The following LRIG2 variants were observed in gnomAD, a reference collection of about 807,000 sequenced individuals.
LRIG2 encodes leucine-rich repeats and immunoglobulin-like domains protein 2.
LRIG2 carries 93 observed loss-of-function variants against 107.8 expected under a neutral mutation model. The ratio of observed to expected loss-of-function variants is 0.86; its 90% CI spans 0.73 to 1.03. The LOEUF (loss-of-function observed/expected upper bound fraction) is 1.03. Ranked by LOEUF, LRIG2 falls within the 50% of genes least tolerant of loss-of-function variation. The pLI, the probability that LRIG2 is intolerant of heterozygous loss-of-function variation, is 0.00. For synonymous variants in LRIG2, 471 were observed against 470.6 expected (o/e 1.00, Z -0.01); for missense variants, 1,226 against 1,296.0 (o/e 0.95, Z 0.83).
At chr1:113,111,973 T>G (rs1036293366) in intron 13 of LRIG2, among the ~76,000 whole-genome samples, 9 of 152,192 alleles carry the variant, frequency 5.9e-5, no homozygotes, top group African/African-American at 2.2e-4. Flanking sequence ...AGAGTCATAG[T>G]AAATACCAGG....
intron 17 of LRIG2, 66 bp downstream of exon 17, chr1:113,119,589 T>A: frequency 1.4e-6 from 2 of 1,456,594 alleles, no homozygotes; most frequent in Non-Finnish European, 1.9e-6. Context: ...CCTTCTATCA[T>A]ATAGGTAGTG....
chr1:113,075,507 A>C (rs1444956553), intron 1 of LRIG2, among the ~76,000 whole-genome samples: 1 of 152,144 alleles, frequency 6.6e-6, no homozygotes, highest in Non-Finnish European at 1.5e-5. Flanking sequence ...TTATTGACCC[A>C]AATTTAAAAA....
At chr1:113,103,175 C>T (rs1570752888) in intron 11 of LRIG2, 1 of 152,272 alleles carries the variant, frequency 6.6e-6, no homozygotes, top group South Asian at 2.1e-4. Flanking sequence ...CTTTGCTTGA[C>T]CAACCCGTAG....
Position 113,100,451 on chromosome 1 carries a change from C to G in LRIG2, c.1276C>G (p.Gln426Glu). 5.2e-6 allele frequency: 8 copies of G among 1,538,276 alleles called. No individual in the cohort carries two copies. Among genetic ancestry groups the G allele is most frequent in the Non-Finnish European group, 7.2e-6 (8 of 1,116,072 alleles). ...DLNNNAIMSI[Q>E]ENAFSQTHLK... ...GAACAATAATGCTATAATGTCTATC[C>G]AAGAAAATGCTTTTTCTCAGACTCA... The change falls in exon 11 of 18, where the codon CAA becomes GAA. Residue 426 changes from glutamine (Q) to glutamate (E), a missense_variant. Gln to Glu is a conservative substitution (Grantham distance 29, BLOSUM62 2). Coordinates refer to ENST00000361127, the MANE Select transcript of LRIG2 (RefSeq NM_014813.3).
rs551559936 is a variant in LRIG2, at chr1:113,128,585, G to A, written c.*4484G>A. ...AAAGCTGCTTTGGTGACATTTGTTC[G>A]AGTAGAACAAGAGTGATGCTGCTCA... is the stretch of plus-strand genomic sequence containing the variant. On this transcript the variant is annotated 3_prime_UTR_variant, in exon 18 of 18. Transcript: ENST00000361127. 4 of 152,274 alleles carry A rather than the reference G, an allele frequency of 2.6e-5. No individual in the cohort carries two copies. The highest frequency in any genetic ancestry group is 4.1e-4 in the South Asian group (2 of 4,824). 9.4% of individuals were successfully genotyped at this position (152,274 alleles called of 1,614,324 possible).
At chr1:113,115,837 C>A (rs1341642760) in intron 15 of LRIG2, among the ~76,000 whole-genome samples, 1 of 152,166 alleles carries the variant, frequency 6.6e-6, no homozygotes, top group Admixed American at 6.5e-5. Context: ...AACTTTACTT[C>A]TAAAAACGCA....
Position 113,102,479 on chromosome 1 carries a change from C to T in LRIG2, c.1313+1991C>T, listed in dbSNP as rs142368044. On this transcript the variant is annotated intron_variant, in intron 11 of 17. Transcript: ENST00000361127. ...TTGAGATGAGGTTTCACTGTGTTAG[C>T]CAGGATGGTCTCAATCTCCTGACCT... 4.7e-3 allele frequency among the ~76,000 whole-genome samples: 718 copies of T among 152,030 alleles called. 10 individuals are homozygous for T. The highest frequency in any genetic ancestry group is 0.017 in the African/African-American group (691 of 41,458).
At chr1:113,086,665 A>G (rs776865589) in intron 1 of LRIG2, among the ~76,000 whole-genome samples, 1 of 152,192 alleles carries the variant, frequency 6.6e-6, no homozygotes, top group Non-Finnish European at 1.5e-5. Context: ...TGTACATCCT[A>G]TAAATAATTT....
In LRIG2 at chr1:113,129,825, C is replaced by T. The variant is rs1198310384; in HGVS notation, c.*5724C>T. Reference sequence around the variant, plus strand: ...TCCACCTGGAAGAAAAGACAGTATTCCTTGAACTCCATGACCTACTGGTAC... The same window carrying T: ...TCCACCTGGAAGAAAAGACAGTATTTCTTGAACTCCATGACCTACTGGTAC... On this transcript the variant is annotated 3_prime_UTR_variant, in exon 18 of 18. Coordinates refer to ENST00000361127, the MANE Select transcript of LRIG2 (RefSeq NM_014813.3). The T allele has an allele frequency of 1.3e-5, 2 of 152,024 alleles. No individual in the cohort carries two copies. 9.4% of individuals were successfully genotyped at this position (152,024 alleles called of 1,614,324 possible). A position where few individuals can be genotyped will look rare whatever the true frequency, so the allele number is the denominator to read the frequency against.
Position 113,100,117 on chromosome 1 carries a change from G to A in LRIG2, c.1173-94G>A, listed in dbSNP as rs554460752. The A allele has an allele frequency of 7.7e-4, 500 of 649,170 alleles. 2 individuals carry two copies. Among genetic ancestry groups the A allele is most frequent in the Non-Finnish European group, 1.1e-3 (441 of 388,172 alleles). 40.2% of individuals were successfully genotyped at this position (649,170 alleles called of 1,614,324 possible). A position where few individuals can be genotyped will look rare whatever the true frequency, so the allele number is the denominator to read the frequency against. ...AGCTGTTAAGTATATAAAAAAGTACGCTACGCTTATTTTCACTTTTTATAG... is the reference window on the plus strand; with the variant it reads ...AGCTGTTAAGTATATAAAAAAGTACACTACGCTTATTTTCACTTTTTATAG... On this transcript the variant is annotated intron_variant, in intron 9 of 17. Coordinates refer to ENST00000361127, the MANE Select transcript of LRIG2 (RefSeq NM_014813.3).
chr1:113,118,027 C>G (rs1298760740), intron 16 of LRIG2, among the ~76,000 whole-genome samples: 2 of 151,828 alleles, frequency 1.3e-5, no homozygotes, highest in East Asian at 3.9e-4. Flanking sequence ...TCAAGCGATT[C>G]TCCTGCCTCA....
At chr1:113,101,329 A>G (rs1654299561) in intron 11 of LRIG2, among the ~76,000 whole-genome samples, 1 of 152,120 alleles carries the variant, frequency 6.6e-6, no homozygotes, top group Non-Finnish European at 1.5e-5. Flanking sequence ...CAGCCTCCCA[A>G]AGTGTTGGGA....
chr1:113,104,768 C>T (rs1306844380), intron 11 of LRIG2, among the ~76,000 whole-genome samples: 1 of 152,078 alleles, frequency 6.6e-6, no homozygotes, highest in Admixed American at 6.6e-5. Flanking sequence ...AGACCTGGGC[C>T]CATATCCTAA....
chr1:113,078,090 A>G (rs1653071608), intron 1 of LRIG2, among the ~76,000 whole-genome samples: 2 of 151,896 alleles, frequency 1.3e-5, no homozygotes. Flanking sequence ...GCTGCATAGT[A>G]TTCCATGGTA....
intron 16 of LRIG2, 120 bp from the exon 17 acceptor site, chr1:113,119,113 T>TCAGG: frequency 1.1e-6 from 1 of 875,408 alleles, no homozygotes; most frequent in Non-Finnish European, 1.8e-6. Flanking sequence ...TCACCTACTT[T>TCAGG]ATAAAGTAAG....
chr1:113,073,923 A>G (rs1472699035), intron 1 of LRIG2, among the ~76,000 whole-genome samples: 3 of 138,814 alleles, frequency 2.2e-5, no homozygotes, highest in African/African-American at 5.5e-5. Context: ...GGGCGGGCAT[A>G]TTTAATGGTA....
At chr1:113,123,760 T>TGTGTGTGA in intron 17 of LRIG2, 115 bp from the exon 18 acceptor site, 1 of 693,954 alleles carries the variant, frequency 1.4e-6, no homozygotes, top group Non-Finnish European at 2.5e-6. Flanking sequence ...TGTGTGTGTG[T>TGTGTGTGA]GATTTCAGTG....
chr1:113,073,321 C>T lies in LRIG2; in HGVS notation c.-86C>T. On this transcript the variant is annotated 5_prime_UTR_variant, in exon 1 of 18. Transcript: ENST00000361127. Reference sequence around the variant, plus strand: ...CCGGGGCTTCGGGAGACAGTGCAGCCACCGAGCATCTCTGCTGAGCTTCTC... The same window carrying T: ...CCGGGGCTTCGGGAGACAGTGCAGCTACCGAGCATCTCTGCTGAGCTTCTC... 1 of 1,096,062 alleles carries T rather than the reference C, an allele frequency of 9.1e-7. No homozygotes were observed. 67.9% of individuals were successfully genotyped at this position (1,096,062 alleles called of 1,614,324 possible). A position where few individuals can be genotyped will look rare whatever the true frequency, so the allele number is the denominator to read the frequency against.
chr1:113,093,414 A>G lies in LRIG2; in HGVS notation c.381-16A>G, dbSNP rs1470466474. The G allele has an allele frequency of 9.3e-6, 15 of 1,612,818 alleles. No homozygotes were observed. The highest frequency in any genetic ancestry group is 1.3e-5 in the Non-Finnish European group (15 of 1,179,500). On this transcript the variant is annotated splice_polypyrimidine_tract_variant and intron_variant, in intron 3 of 17. Transcript: ENST00000361127. ...GGATCAGTGGCAGCAGCTTCATTATAATCTTTGTTTTACAGAGTCCATAAT... is the reference window on the plus strand; with the variant it reads ...GGATCAGTGGCAGCAGCTTCATTATGATCTTTGTTTTACAGAGTCCATAAT...
Sources: gnomAD v4.1 joint callset for allele counts (sites outside exome capture counted in the v4.1 genomes callset) on GRCh38, gnomAD v4.1.1 for gene constraint, MANE v1.5 for transcripts, NCBI Gene and HGNC (gene_info 2026-07-23, HGNC 2026-07-21) for gene names.